The following PWWP2B variants were observed in gnomAD, a reference collection of about 807,000 sequenced individuals.
PWWP2B encodes the protein PWWP domain-containing protein 2B.
A neutral mutation model predicts 15.5 loss-of-function variants in PWWP2B; 9 were observed. That is an observed-to-expected ratio of 0.58 (90% CI 0.35 to 1.02). The LOEUF is 1.02. Among genes scored for constraint, PWWP2B ranks in the 50% least tolerant of loss-of-function variants. The pLI, the probability that PWWP2B is intolerant of heterozygous loss-of-function variation, is 0.02. For missense variants in PWWP2B, 864 were observed against 865.3 expected, an observed-to-expected ratio of 1.00 and a Z score of 0.02; for synonymous variants, 474 against 403.6, an observed-to-expected ratio of 1.17 and a Z score of -2.09.
chr10:132,407,952 C>T (rs762597713), intron 2 of PWWP2B, among the ~76,000 whole-genome samples: 20 of 152,266 alleles, frequency 1.3e-4, no homozygotes, highest in Non-Finnish European at 2.2e-4. Flanking sequence ...CCACGCAGGA[C>T]GTCTCCAAGT....
chr10:132,415,215 C>T (rs1273421477), intron 2 of PWWP2B, among the ~76,000 whole-genome samples: 1 of 151,754 alleles, frequency 6.6e-6, no homozygotes, highest in Non-Finnish European at 1.5e-5. Flanking sequence ...TCCACTCTCA[C>T]ACACACACCC....
chr10:132,404,844 C>A lies in PWWP2B; in HGVS notation c.344C>A (p.Pro115His). The A allele has an allele frequency of 1.3e-6, 2 of 1,584,426 alleles. No homozygotes were observed. The highest frequency in any genetic ancestry group is 1.7e-6 in the Non-Finnish European group (2 of 1,171,634). ...LVPPLPAGSL[P>H]PYPPYFEGAP... ...CCGCCGCTGCCCGCCGGAAGCCTGC[C>A]CCCGTACCCTCCCTACTTCGAAGGC... Residue 115 changes from proline (P) to histidine (H), a missense_variant, in exon 2 of 3, where the codon CCC becomes CAC. Physicochemically the swap from Pro to His is moderately conservative, Grantham distance 77. Coordinates refer to ENST00000305233, the MANE Select transcript of PWWP2B (RefSeq NM_138499.4).
At position 132,404,762 on chromosome 10, in the gene PWWP2B, G is replaced by A; in HGVS notation, c.262G>A (p.Ala88Thr). The change falls in exon 2 of 3, where the codon GCC (alanine) becomes ACC (threonine). Residue 88 changes from alanine (A) to threonine (T), a missense_variant. By Grantham distance (58) the Ala-to-Thr change is moderately conservative. Transcript: ENST00000305233. ...MQLGSSSPPP[A>T]RGVQPPETTR... is the part of the protein sequence containing the mutation. ...GCTGGGGTCCAGCTCCCCCCCTCCT[G>A]CCCGCGGGGTTCAGCCCCCCGAGAC... 2 of 1,586,226 alleles carry A rather than the reference G, an allele frequency of 1.3e-6. No individual in the cohort carries two copies. Among genetic ancestry groups the A allele is most frequent in the Non-Finnish European group, 1.7e-6 (2 of 1,166,944 alleles).
Position 132,406,234 on chromosome 10 carries a change from C to T in PWWP2B, c.1734C>T (p.Ala578=), listed in dbSNP as rs1315896886. 1 of 1,611,144 alleles carries T rather than the reference C, an allele frequency of 6.2e-7. No individual in the cohort carries two copies. Among genetic ancestry groups the T allele is most frequent in the African/African-American group, 1.3e-5 (1 of 74,892 alleles). Residue 578 remains alanine (A), a synonymous_variant, in exon 2 of 3, where the codon GCC becomes GCT. Coordinates refer to ENST00000305233, the MANE Select transcript of PWWP2B (RefSeq NM_138499.4). ...TEAANAARHV[A]PEIRELLTQF... The stretch of plus-strand genomic sequence containing the variant: ...CTGCAAATGCCGCAAGACACGTGGC[C>T]CCGGAAATCAGGGAGCTCTTAACCC...
chr10:132,401,369 C>T (rs1713555014), intron 1 of PWWP2B, among the ~76,000 whole-genome samples: 1 of 151,910 alleles, frequency 6.6e-6, no homozygotes, highest in South Asian at 2.1e-4. Flanking sequence ...TTCAAGGGGC[C>T]CCTCGCATGT....
In PWWP2B at chr10:132,410,534, T is replaced by C. The variant is rs562542630; in HGVS notation, c.*16+4245T>C. Among the ~76,000 whole-genome samples the C allele has an allele frequency of 5.9e-5, 9 of 152,202 alleles. No homozygotes were observed. The East Asian group carries it at 1.7e-3, about 29-fold the overall frequency. Reference sequence around the variant, plus strand: ...GGAGGACCTGAGGGGCTCGGGACCTTGCCCGTCCTGCACCTCAGCACCACT... The same window carrying C: ...GGAGGACCTGAGGGGCTCGGGACCTCGCCCGTCCTGCACCTCAGCACCACT... On this transcript the variant is annotated intron_variant, in intron 2 of 2. Transcript: ENST00000305233.
intron 2 of PWWP2B, among the ~76,000 whole-genome samples, chr10:132,409,915 G>A (rs2069755690): frequency 6.6e-6 from 1 of 152,094 alleles, no homozygotes; most frequent in South Asian, 2.1e-4. Context: ...TGAGGGTGGG[G>A]GCAAGTGTTC....
intron 2 of PWWP2B, among the ~76,000 whole-genome samples, chr10:132,414,137 C>G (rs2069815411): frequency 6.6e-6 from 1 of 152,230 alleles, no homozygotes; most frequent in African/African-American, 2.4e-5. Context: ...GAGTCTGTGT[C>G]TCTGCTGCCG....
At chr10:132,415,008 A>G (rs1345021348) in intron 2 of PWWP2B, among the ~76,000 whole-genome samples, 1 of 152,202 alleles carries the variant, frequency 6.6e-6, no homozygotes, top group Non-Finnish European at 1.5e-5. Context: ...GTTTGTGTCA[A>G]TCTTACTATG....
intron 2 of PWWP2B, among the ~76,000 whole-genome samples, chr10:132,407,436 C>T (rs754976590): frequency 1.1e-4 from 16 of 152,226 alleles, no homozygotes; most frequent in Non-Finnish European, 1.9e-4. Context: ...GCCACCTGCC[C>T]AGAGGCCTTA....
chr10:132,401,561 G>A (rs1368437627), intron 1 of PWWP2B, among the ~76,000 whole-genome samples: 6 of 152,250 alleles, frequency 3.9e-5, no homozygotes. Context: ...AGCCAGGCCA[G>A]TGGGGCCCCT....
chr10:132,415,091 T>C (rs2069827364), intron 2 of PWWP2B, among the ~76,000 whole-genome samples: 1 of 152,246 alleles, frequency 6.6e-6, no homozygotes, highest in Non-Finnish European at 1.5e-5. Flanking sequence ...TTCTAGACGA[T>C]GTACTGCTGC....
Position 132,406,401 on chromosome 10 carries a change from CT to C in PWWP2B, c.*16+113del, listed in dbSNP as rs145270956. ...GCCCAGGGAGCCGCCGCCTGTGCCC[CT>C]CAGCTGGCTTGCTTGGGGCCCCAGC... On this transcript the variant is annotated intron_variant, in intron 2 of 2. Transcript: ENST00000305233. 1,581 of 951,802 alleles carry C rather than the reference CT, an allele frequency of 1.7e-3. 22 individuals are homozygous for C. In the African/African-American group the frequency reaches 0.024, roughly 14 times the overall value. 59.0% of individuals were successfully genotyped at this position (951,802 alleles called of 1,614,324 possible).
At chr10:132,398,546 C>T (rs1194725793) in intron 1 of PWWP2B, among the ~76,000 whole-genome samples, 2 of 152,262 alleles carry the variant, frequency 1.3e-5, no homozygotes, top group African/African-American at 4.8e-5. Flanking sequence ...GGCCTTTCCT[C>T]CCTGAAGAGG....
At position 132,417,415 on chromosome 10, in the gene PWWP2B, T is replaced by G; in HGVS notation, c.*371T>G. On this transcript the variant is annotated 3_prime_UTR_variant, in exon 3 of 3. Coordinates refer to ENST00000305233, the MANE Select transcript of PWWP2B (RefSeq NM_138499.4). The stretch of plus-strand genomic sequence containing the variant: ...CTGCTGCCCGCATGCTGGGGTCCCA[T>G]GGAGGAACCAGGCCTGGCGCCCCGG... The G allele has an allele frequency of 2.6e-6, 1 of 390,470 alleles. No homozygotes were observed. Among genetic ancestry groups the G allele is most frequent in the African/African-American group, 2.1e-5 (1 of 47,892 alleles). 24.2% of individuals were successfully genotyped at this position (390,470 alleles called of 1,614,324 possible). A position where few individuals can be genotyped will look rare whatever the true frequency, so the allele number is the denominator to read the frequency against.
chr10:132,404,109 C>G (rs117983541), intron 1 of PWWP2B, among the ~76,000 whole-genome samples: 1 of 147,196 alleles, frequency 6.8e-6, no homozygotes, highest in Non-Finnish European at 1.5e-5. Context: ...GGAGCTTTCT[C>G]CAGGGGCTTG....
In PWWP2B at chr10:132,405,804, G is replaced by T; in HGVS notation, c.1304G>T (p.Gly435Val). Reference protein sequence around the residue: ...SDSLDEARSSGSEGTPADTGD... With the variant: ...SDSLDEARSSVSEGTPADTGD... ...AGCCTGGACGAGGCCAGATCGTCCGGCTCGGAAGGGACGCCGGCAGACACG... is the reference window on the plus strand; with the variant it reads ...AGCCTGGACGAGGCCAGATCGTCCGTCTCGGAAGGGACGCCGGCAGACACG... The change falls in exon 2 of 3, where the codon GGC (glycine) becomes GTC (valine). Residue 435 changes from glycine (G) to valine (V), a missense_variant. Coordinates refer to ENST00000305233, the MANE Select transcript of PWWP2B (RefSeq NM_138499.4). 6.2e-7 allele frequency: 1 copy of T among 1,607,834 alleles called. No homozygotes were observed. The highest frequency in any genetic ancestry group is 8.5e-7 in the Non-Finnish European group (1 of 1,179,694).
In PWWP2B at chr10:132,397,370, C is replaced by G; in HGVS notation, c.125+19C>G. On this transcript the variant is annotated intron_variant, in intron 1 of 2. Coordinates refer to ENST00000305233, the MANE Select transcript of PWWP2B (RefSeq NM_138499.4). ...CGAAAAAGTGAGCGGGGGCGCGGGC[C>G]GGGACACCCCCGGGGTCCCCACGCG... The G allele has an allele frequency of 1.6e-6, 2 of 1,285,182 alleles. No homozygotes were observed. The highest frequency in any genetic ancestry group is 2.0e-6 in the Non-Finnish European group (2 of 1,006,284). 79.6% of individuals were successfully genotyped at this position (1,285,182 alleles called of 1,614,324 possible).
rs1215599297 is a variant in PWWP2B, at chr10:132,405,109, G to C, written c.609G>C (p.Arg203Ser). Residue 203 changes from arginine to serine, a missense_variant, in exon 2 of 3, where the codon AGG becomes AGC. Coordinates refer to ENST00000305233, the MANE Select transcript of PWWP2B (RefSeq NM_138499.4). ...CAGCCGCGCCCAGGGCCCGCAGGAG[G>C]CTGGGCAGCGGCCCGGACAGGGAGC... ...GPPAAPRARR[R>S]LGSGPDRELR... is the part of the protein sequence containing the mutation. 3 of 1,540,042 alleles carry C rather than the reference G, an allele frequency of 1.9e-6. No homozygotes were observed. The highest frequency in any genetic ancestry group is 2.0e-5 in the Admixed American group (1 of 50,662).
Sources: allele counts gnomAD v4.1 joint callset (sites outside exome capture counted in the v4.1 genomes callset), GRCh38; gene constraint gnomAD v4.1.1; transcripts MANE v1.5; gene names NCBI Gene and HGNC (gene_info 2026-07-23, HGNC 2026-07-21).